Variants in RUVBL2 observed in about 807,000 individuals in gnomAD.
The protein encoded by RUVBL2 is ruvB-like 2.
A neutral mutation model predicts 57.9 loss-of-function variants in RUVBL2; 9 were observed. The observed-to-expected ratio is 0.16, with a 90% CI of 0.09 to 0.27. The LOEUF (loss-of-function observed/expected upper bound fraction) is 0.27, where lower values mean the gene tolerates loss of function less well. Ranked by LOEUF, RUVBL2 falls within the 10% of genes least tolerant of loss-of-function variation. RUVBL2 has a pLI of 1.00. For synonymous variants in RUVBL2, 278 were observed against 264.6 expected, an observed-to-expected ratio of 1.05 and a Z score of -0.49; for missense variants, 456 against 669.6, an observed-to-expected ratio of 0.68 and a Z score of 3.52.
intron 8 of RUVBL2, 21 bp from the exon 9 acceptor site, chr19:49,010,467 T>TACCC: frequency 7.1e-7 from 1 of 1,401,202 alleles, no homozygotes; most frequent in Non-Finnish European, 9.9e-7. Flanking sequence ...CCGCCGTTCT[T>TACCC]CCCCCACCCC....
chr19:48,999,802 G>A (rs1399368834), intron 2 of RUVBL2, among the ~76,000 whole-genome samples: 2 of 152,156 alleles, frequency 1.3e-5, no homozygotes, highest in African/African-American at 2.4e-5. Context: ...ACGAGTTTGC[G>A]TCCTGTGGAG....
At chr19:49,002,502 A>T (rs2039204369) in intron 2 of RUVBL2, among the ~76,000 whole-genome samples, 1 of 152,030 alleles carries the variant, frequency 6.6e-6, no homozygotes, top group African/African-American at 2.4e-5. Flanking sequence ...CTCCCTCCCC[A>T]TTCATATCAA....
chr19:49,009,950 C>T (rs774743109), intron 7 of RUVBL2, 23 bp from the exon 8 acceptor site: 1 of 1,609,618 alleles, frequency 6.2e-7, no homozygotes, highest in Admixed American at 1.7e-5. Context: ...CCTTTCCTTA[C>T]CCTACCCCCC....
At chr19:49,008,943 C>T (rs1295843501) in intron 6 of RUVBL2, among the ~76,000 whole-genome samples, 4 of 151,912 alleles carry the variant, frequency 2.6e-5, no homozygotes, top group African/African-American at 9.7e-5. Flanking sequence ...CACACCATTG[C>T]ACTCCAGCCT....
intron 8 of RUVBL2, 21 bp from the exon 9 acceptor site, chr19:49,010,467 T>TGCCCCG: frequency 1.4e-6 from 2 of 1,401,208 alleles, no homozygotes; most frequent in Non-Finnish European, 2.0e-6. Context: ...CCGCCGTTCT[T>TGCCCCG]CCCCCACCCC....
At position 49,010,330 on chromosome 19, in the gene RUVBL2, G is replaced by A. The variant is rs574079707; in HGVS notation, c.664-158G>A. On this transcript the variant is annotated intron_variant, in intron 8 of 14. Transcript: ENST00000595090. ...AGCGCTCTGGAATGTCCCTAGTCCT[G>A]ACTACCTCCTGGGCCTGGGGTTTCC... 21 of 778,382 alleles carry A rather than the reference G, an allele frequency of 2.7e-5. No individual in the cohort carries two copies. In the African/African-American group the frequency reaches 3.5e-4, roughly 13 times the overall value. The allele number at this position is 778,382 out of a possible 1,614,324, so 48.2% of individuals were successfully genotyped here.
Position 49,004,427 on chromosome 19 carries a change from C to T in RUVBL2, c.265+9C>T. ...GACGGCCATCGCCATGGGTAAGAAA[C>T]CTCCCAGGGCAGGAACTCTCCTGTT... On this transcript the variant is annotated intron_variant, in intron 4 of 14. Coordinates refer to ENST00000595090, the MANE Select transcript of RUVBL2 (RefSeq NM_006666.3). 1.9e-6 allele frequency: 3 copies of T among 1,609,186 alleles called. No homozygotes were observed. The highest frequency in any genetic ancestry group is 2.5e-6 in the Non-Finnish European group (3 of 1,178,422).
rs1254828869 is a variant in RUVBL2, at chr19:49,007,240, AAG to A, written c.396-61_396-60del. On this transcript the variant is annotated intron_variant, in intron 5 of 14. Transcript: ENST00000595090. ...TCGTCCTTTGTCCCAGAGCTCATGGAAGGTTGTGATTCCCGAGGGTCCAGGTG... is the reference window on the plus strand; with the variant it reads ...TCGTCCTTTGTCCCAGAGCTCATGGAGTTGTGATTCCCGAGGGTCCAGGTG... The A allele has an allele frequency of 1.9e-6, 3 of 1,607,478 alleles. No homozygotes were observed. In the African/African-American group the frequency reaches 4.0e-5, roughly 21 times the overall value.
In RUVBL2 at chr19:49,010,551, T is replaced by C; in HGVS notation, c.727T>C (p.Ser243Pro). 2 of 1,561,448 alleles carry C rather than the reference T, an allele frequency of 1.3e-6. No individual in the cohort carries two copies. Among genetic ancestry groups the C allele is most frequent in the Non-Finnish European group, 1.7e-6 (2 of 1,148,490 alleles). The change falls in exon 9 of 15, where the codon TCC becomes CCC. Residue 243 changes from serine to proline, a missense_variant. By Grantham distance (74) the Ser-to-Pro change is moderately conservative. Coordinates refer to ENST00000595090, the MANE Select transcript of RUVBL2 (RefSeq NM_006666.3). ...QKRKEVVHTV[S>P]LHEIDVINSR... is the part of the protein sequence containing the mutation. ...ACGCAAGGAGGTGGTGCACACCGTGTCCCTGCACGAGATCGACGTCATCAA... is the reference window on the plus strand; with the variant it reads ...ACGCAAGGAGGTGGTGCACACCGTGCCCCTGCACGAGATCGACGTCATCAA...
chr19:48,996,424 C>G (rs1341569661), intron 1 of RUVBL2, among the ~76,000 whole-genome samples: 1 of 151,822 alleles, frequency 6.6e-6, no homozygotes, highest in African/African-American at 2.4e-5. Context: ...CTCCCATGTT[C>G]AAATGATCCT....
At position 49,010,250 on chromosome 19, in the gene RUVBL2, A is replaced by G. The variant is rs547882416; in HGVS notation, c.663+184A>G. 40 of 707,032 alleles carry G rather than the reference A, an allele frequency of 5.7e-5. No homozygotes were observed. In the East Asian group the frequency reaches 6.2e-4, roughly 11 times the overall value. 43.8% of individuals were successfully genotyped at this position (707,032 alleles called of 1,614,324 possible). A position where few individuals can be genotyped will look rare whatever the true frequency, so the allele number is the denominator to read the frequency against. On this transcript the variant is annotated intron_variant, in intron 8 of 14. Transcript: ENST00000595090. ...CCTCAGCCTGGCACTATAGCTTCGC[A>G]TGGCCACATGTGGCCTGTGGCTTCT...
intron 11 of RUVBL2, among the ~76,000 whole-genome samples, chr19:49,012,895 A>G (rs2039460653): frequency 7.0e-6 from 1 of 142,624 alleles, no homozygotes; most frequent in South Asian, 2.2e-4. Flanking sequence ...CACCCCTGGG[A>G]CTCAATCAGT....
At chr19:49,003,730 G>A (rs1183376715) in intron 3 of RUVBL2, among the ~76,000 whole-genome samples, 1 of 151,524 alleles carries the variant, frequency 6.6e-6, no homozygotes, top group Non-Finnish European at 1.5e-5. Context: ...GTTGCAATGA[G>A]CCGAGATTGT....
At chr19:48,998,852 AC>A (rs1002087094) in intron 1 of RUVBL2, among the ~76,000 whole-genome samples, 5 of 150,796 alleles carry the variant, frequency 3.3e-5, no homozygotes, top group African/African-American at 9.8e-5. Context: ...ACATGGCAAA[AC>A]CCCATCTCTA....
At position 48,993,937 on chromosome 19, in the gene RUVBL2, C is replaced by A; in HGVS notation, c.12+14C>A. On this transcript the variant is annotated intron_variant, in intron 1 of 14. Coordinates refer to ENST00000595090, the MANE Select transcript of RUVBL2 (RefSeq NM_006666.3). ...ATGGCAACCGTTGTAAGTGTGGGTG[C>A]ATGGAGGGTGAGGAGCGAGCTAGCA... The A allele has an allele frequency of 6.2e-7, 1 of 1,613,820 alleles. No individual in the cohort carries two copies. Among genetic ancestry groups the A allele is most frequent in the Non-Finnish European group, 8.5e-7 (1 of 1,179,940 alleles).
chr19:49,005,638 TC>T (rs2039267745), intron 4 of RUVBL2, among the ~76,000 whole-genome samples: 1 of 147,326 alleles, frequency 6.8e-6, no homozygotes, highest in Non-Finnish European at 1.5e-5. Context: ...CTACTCTTCT[TC>T]ATTTTTTTTT....
rs754112742 is a variant in RUVBL2, at chr19:49,007,141, G to A, written c.389G>A (p.Arg130His). Residue 130 changes from arginine to histidine, a missense_variant, in exon 5 of 15, where the codon CGC becomes CAC. Transcript: ENST00000595090. ...TQAFRRSIGV[R>H]IKEETEIIEG... ...GCCTTCCGGCGGTCCATCGGCGTTC[G>A]CATCAAGTAAGCGGGGGACCCGAGG... The A allele has an allele frequency of 7.4e-6, 12 of 1,613,200 alleles. No homozygotes were observed. Among genetic ancestry groups the A allele is most frequent in the Admixed American group, 5.0e-5 (3 of 60,012 alleles).
At position 49,011,824 on chromosome 19, in the gene RUVBL2, G is replaced by A. The variant is rs914745979; in HGVS notation, c.1001+514G>A. Among the ~76,000 whole-genome samples the A allele has an allele frequency of 5.8e-4, 68 of 116,666 alleles. 2 individuals carry two copies. In the Admixed American group the frequency reaches 6.1e-3, roughly 10 times the overall value. 76.5% of individuals were successfully genotyped at this position (116,666 alleles called of 152,430 possible). On this transcript the variant is annotated intron_variant, in intron 11 of 14. Transcript: ENST00000595090. The surrounding 1 kb of genome is among the most constrained non-coding windows in gnomAD (Gnocchi z 4.4). ...CAGGTGTTGCCAGCACCCTGTGCAC[G>A]GGGAACTCTTAATGTTGTGTTTGGC...
chr19:49,009,647 G>A (rs2039365347), intron 6 of RUVBL2, 129 bp from the exon 7 acceptor site: 2 of 779,578 alleles, frequency 2.6e-6, no homozygotes, highest in African/African-American at 1.7e-5. Context: ...GAGCTTCCTT[G>A]TGTTGTGCCC....
Sources: gnomAD v4.1 joint callset for allele counts (sites outside exome capture counted in the v4.1 genomes callset) on GRCh38, gnomAD v4.1.1 for gene constraint, Gnocchi (gnomAD v3.1) non-coding constraint, MANE v1.5 for transcripts, NCBI Gene and HGNC (gene_info 2026-07-23, HGNC 2026-07-21) for gene names.